The following ADAMTS9 variants were observed in gnomAD, a reference collection of about 807,000 sequenced individuals.
ADAMTS9 encodes ADAM metallopeptidase with thrombospondin type 1 motif 9.
In ADAMTS9, 107 loss-of-function variants were observed where a neutral mutation model predicts 257.1. That is an observed-to-expected ratio of 0.42 (90% CI 0.36 to 0.49). The LOEUF is 0.49. ADAMTS9 is among the 20% of genes least tolerant of loss of function. The pLI is 0.03. For missense variants in ADAMTS9, 2,353 were observed against 2,469.1 expected (o/e 0.95, Z 1.00); for synonymous variants, 982 against 880.9 (o/e 1.11, Z -2.03).
chr3:64,528,469 G>A (rs1232803064), intron 38 of ADAMTS9, among the ~76,000 whole-genome samples: 1 of 152,148 alleles, frequency 6.6e-6, no homozygotes, highest in African/African-American at 2.4e-5. Flanking sequence ...AGAGTGAGGA[G>A]AAACTTTACG....
chr3:64,573,079 T>TAC (rs574448316), intron 28 of ADAMTS9, among the ~76,000 whole-genome samples: 75 of 119,976 alleles, frequency 6.3e-4, no homozygotes, highest in Admixed American at 1.1e-3. Context: ...GACTCCATCT[T>TAC]AAAAAAAAAA....
chr3:64,589,575 G>A (rs534629527), intron 28 of ADAMTS9: 4 of 152,274 alleles, frequency 2.6e-5, no homozygotes, highest in South Asian at 4.1e-4. Context: ...CACAGCAAAC[G>A]TTAGCTATTG....
chr3:64,588,672 C>T (rs1376787395), intron 28 of ADAMTS9: 1 of 152,138 alleles, frequency 6.6e-6, no homozygotes, highest in African/African-American at 2.4e-5. Context: ...CAATAACACT[C>T]CTAACCCTGC....
intron 28 of ADAMTS9, among the ~76,000 whole-genome samples, chr3:64,578,849 C>T (rs921217058): frequency 2.6e-5 from 4 of 152,144 alleles, no homozygotes; most frequent in South Asian, 2.1e-4. Context: ...AAAAATTCTT[C>T]CAAATCCTAC....
intron 3 of ADAMTS9, among the ~76,000 whole-genome samples, chr3:64,671,675 C>T (rs1701491832): frequency 6.6e-6 from 1 of 152,198 alleles, no homozygotes; most frequent in Non-Finnish European, 1.5e-5. Context: ...ATTTGCCTCA[C>T]GTTTGACTTT....
rs757038316 is a variant in ADAMTS9, at chr3:64,561,708, C to T, written c.4568G>A (p.Gly1523Asp). 1 of 1,613,946 alleles carries T rather than the reference C, an allele frequency of 6.2e-7. No individual in the cohort carries two copies. The highest frequency in any genetic ancestry group is 1.1e-5 in the South Asian group (1 of 91,062). Residue 1523 changes from glycine (G) to aspartate (D), a missense_variant, in exon 30 of 40, where the codon GGC becomes GAC. Gly to Asp is a moderately conservative substitution (Grantham distance 94, BLOSUM62 -1). This residue lies in a region of ADAMTS9 where 1,402 missense variants were observed against 1,441.4 expected (regional missense o/e 0.97). Transcript: ENST00000498707. ...CGRGVQQRHV[G>D]CQIGTHKIAR... ...TATTTTGTGTGTTCCGATCTGACAG[C>T]CCACATGCCTCTGCTGTACGCCTCG...
At position 64,604,161 on chromosome 3, in the gene ADAMTS9, T is replaced by C. The variant is rs531668437; in HGVS notation, c.3579+66A>G. 128 of 1,600,518 alleles carry C rather than the reference T, an allele frequency of 8.0e-5. No homozygotes were observed. The African/African-American group carries it at 1.5e-3, about 19-fold the overall frequency. ...GCTTACTGGACAGTAGCCCACTTTC[T>C]ATAGCCATGTCTGAGAATGTTAGCC... On this transcript the variant is annotated intron_variant, in intron 24 of 39. Coordinates refer to ENST00000498707, the MANE Select transcript of ADAMTS9 (RefSeq NM_182920.2).
intron 12 of ADAMTS9, among the ~76,000 whole-genome samples, chr3:64,636,668 G>T (rs1222265612): frequency 2.0e-5 from 3 of 152,034 alleles, no homozygotes; most frequent in Non-Finnish European, 4.4e-5. Flanking sequence ...TAAAGTAATT[G>T]AAAAAAATTT....
chr3:64,577,366 G>C (rs2083881760), intron 28 of ADAMTS9, among the ~76,000 whole-genome samples: 2 of 152,148 alleles, frequency 1.3e-5, no homozygotes, highest in Non-Finnish European at 2.9e-5. Context: ...TTTACCGGGT[G>C]ATTATTTGTA....
intron 3 of ADAMTS9, among the ~76,000 whole-genome samples, chr3:64,674,298 T>C (rs1416869948): frequency 6.6e-6 from 1 of 152,076 alleles, no homozygotes; most frequent in Non-Finnish European, 1.5e-5. Flanking sequence ...TAAACACCGA[T>C]GAAGAACAAA....
Position 64,633,720 on chromosome 3 carries a change from G to C in ADAMTS9, c.2016C>G (p.Arg672=). 6.2e-7 allele frequency: 1 copy of C among 1,613,748 alleles called. No homozygotes were observed. Among genetic ancestry groups the C allele is most frequent in the Non-Finnish European group, 8.5e-7 (1 of 1,179,988 alleles). ...TACTTCCACTGTATTTAGGGACCCA[G>C]CGCACATTGGGAAGCAGACCGTTGA... The part of the protein sequence containing the change: ...FNINGLLPNV[R]WVPKYSGILM... Residue 672 remains arginine, a synonymous_variant, in exon 13 of 40, where the codon CGC becomes CGG. Coordinates refer to ENST00000498707, the MANE Select transcript of ADAMTS9 (RefSeq NM_182920.2).
chr3:64,640,282 C>T (rs930857716), intron 12 of ADAMTS9, among the ~76,000 whole-genome samples: 1 of 152,266 alleles, frequency 6.6e-6, no homozygotes, highest in South Asian at 2.1e-4. Flanking sequence ...AGTACTGAGA[C>T]CAGGGCTTGC....
At chr3:64,611,169 C>T (rs2084659847) in intron 22 of ADAMTS9, among the ~76,000 whole-genome samples, 3 of 151,516 alleles carry the variant, frequency 2.0e-5, no homozygotes, top group Admixed American at 1.3e-4. Flanking sequence ...GAAGTGAAGC[C>T]AGGTACTGAA....
chr3:64,665,575 T>C (rs1701333881), intron 3 of ADAMTS9, among the ~76,000 whole-genome samples: 1 of 152,238 alleles, frequency 6.6e-6, no homozygotes, highest in Admixed American at 6.5e-5. Context: ...GAGTTGGAAC[T>C]AAAAGGAACC....
intron 16 of ADAMTS9, among the ~76,000 whole-genome samples, chr3:64,630,288 G>T (rs1446525572): frequency 6.6e-6 from 1 of 152,220 alleles, no homozygotes; most frequent in Non-Finnish European, 1.5e-5. Context: ...ACTGGGCTGG[G>T]CATGGTGGCT....
chr3:64,543,495 G>C (rs1421593265), intron 32 of ADAMTS9, among the ~76,000 whole-genome samples: 1 of 152,102 alleles, frequency 6.6e-6, no homozygotes, highest in African/African-American at 2.4e-5. Flanking sequence ...TCCATCATAC[G>C]AACAGAACCA....
chr3:64,612,865 A>G (rs765871037), intron 22 of ADAMTS9, among the ~76,000 whole-genome samples: 19 of 152,102 alleles, frequency 1.2e-4, no homozygotes, highest in Non-Finnish European at 2.5e-4. Context: ...GGGTTTTGCA[A>G]CCTTTGATCT....
At chr3:64,545,688 C>T (rs1411560054) in intron 32 of ADAMTS9, among the ~76,000 whole-genome samples, 2 of 152,162 alleles carry the variant, frequency 1.3e-5, no homozygotes, top group Non-Finnish European at 1.5e-5. Context: ...AGCACACCAA[C>T]ATGGCACATG....
intron 16 of ADAMTS9, among the ~76,000 whole-genome samples, chr3:64,629,417 G>C (rs1700310912): frequency 6.6e-6 from 1 of 152,136 alleles, no homozygotes; most frequent in African/African-American, 2.4e-5. Context: ...ACCTTACCTA[G>C]GAGTGTCCTC....
Sources: allele counts gnomAD v4.1 joint callset (sites outside exome capture counted in the v4.1 genomes callset), GRCh38; gene constraint gnomAD v4.1.1; regional missense constraint gnomAD v4.1.1; transcripts MANE v1.5; gene names NCBI Gene and HGNC (gene_info 2026-07-23, HGNC 2026-07-21).